The following JAM3 variants were observed in gnomAD, a reference collection of about 807,000 sequenced individuals.
JAM3 encodes the protein junctional adhesion molecule 3.
In JAM3, 31 loss-of-function variants were observed where a neutral mutation model predicts 39.4. The observed-to-expected ratio is 0.79, with a 90% confidence interval of 0.59 to 1.06. The LOEUF (loss-of-function observed/expected upper bound fraction) is 1.06. Among genes scored for constraint, JAM3 ranks in the 50% least tolerant of loss-of-function variants. The pLI is 0.00. For synonymous variants in JAM3, 182 were observed against 148.7 expected (o/e 1.22, Z -1.63); for missense variants, 455 against 391.4 (o/e 1.16, Z -1.37).
chr11:134,079,952 A>T (rs976889221), intron 1 of JAM3, among the ~76,000 whole-genome samples: 1 of 152,070 alleles, frequency 6.6e-6, no homozygotes, highest in African/African-American at 2.4e-5. Context: ...GGAAAAATTT[A>T]TTCAGAACCC....
At chr11:134,140,904 T>C in intron 3 of JAM3, 134 bp downstream of exon 3, 1 of 1,165,626 alleles carries the variant, frequency 8.6e-7, no homozygotes, top group East Asian at 2.8e-5. Flanking sequence ...TTTTTAAAGA[T>C]TTATAATTAT....
chr11:134,139,884 G>A lies in JAM3; in HGVS notation c.110G>A (p.Ser37Asn), dbSNP rs572713759. 4 of 1,614,014 alleles carry A rather than the reference G, an allele frequency of 2.5e-6. No individual in the cohort carries two copies. Among genetic ancestry groups the A allele is most frequent in the South Asian group, 2.2e-5 (2 of 91,086 alleles). ...CLIGAVNLKS[S>N]NRTPVVQEFE... ...ATAGGGGCTGTAAATCTCAAATCCA[G>A]CAATCGAACCCCAGTGGTACAGGAA... is the stretch of plus-strand genomic sequence containing the variant. The change falls in exon 2 of 9, where the codon AGC (serine) becomes AAC (asparagine). Residue 37 changes from serine (S) to asparagine (N), a missense_variant. Coordinates refer to ENST00000299106, the MANE Select transcript of JAM3 (RefSeq NM_032801.5).
At chr11:134,135,826 TG>T (rs1326668670) in intron 1 of JAM3, among the ~76,000 whole-genome samples, 4 of 152,090 alleles carry the variant, frequency 2.6e-5, no homozygotes, top group East Asian at 1.9e-4. Flanking sequence ...TCTAGCACTT[TG>T]GGGGGCCGAG....
chr11:134,122,576 G>A (rs996150606), intron 1 of JAM3, among the ~76,000 whole-genome samples: 5 of 152,166 alleles, frequency 3.3e-5, no homozygotes, highest in African/African-American at 4.8e-5. Flanking sequence ...TTTCTACCCT[G>A]TTATGGCCTG....
In JAM3 at chr11:134,149,900, G is replaced by T. The variant is rs1309938951; in HGVS notation, c.*719G>T. 3 of 182,168 alleles carry T rather than the reference G, an allele frequency of 1.6e-5. No homozygotes were observed. The highest frequency in any genetic ancestry group is 1.0e-4 in the South Asian group (1 of 9,598). 11.3% of individuals were successfully genotyped at this position (182,168 alleles called of 1,614,324 possible). On this transcript the variant is annotated 3_prime_UTR_variant, in exon 9 of 9. Coordinates refer to ENST00000299106, the MANE Select transcript of JAM3 (RefSeq NM_032801.5). The stretch of plus-strand genomic sequence containing the variant: ...TGGTACTGAAATATGCTTTTCTATG[G>T]GTCTTGTTTATTTTATAAAATTTTA...
chr11:134,111,385 G>T (rs946235569), intron 1 of JAM3, among the ~76,000 whole-genome samples: 9 of 151,576 alleles, frequency 5.9e-5, no homozygotes, highest in Non-Finnish European at 1.2e-4. Context: ...CTCGTGTTCC[G>T]CCCACCTCGG....
At position 134,140,565 on chromosome 11, in the gene JAM3, C is replaced by A. The variant is rs537628571; in HGVS notation, c.143-92C>A. On this transcript the variant is annotated intron_variant, in intron 2 of 8. Transcript: ENST00000299106. Reference sequence around the variant, plus strand: ...CTACGTTTTTAATCTGCATGAAAGGCCTCTTGAATTAGAGCTTGCAGGGTC... The same window carrying A: ...CTACGTTTTTAATCTGCATGAAAGGACTCTTGAATTAGAGCTTGCAGGGTC... 6.1e-5 allele frequency: 60 copies of A among 988,198 alleles called. No individual in the cohort carries two copies. In the South Asian group the frequency reaches 7.3e-4, roughly 12 times the overall value. The allele number at this position is 988,198 out of a possible 1,614,324, so 61.2% of individuals were successfully genotyped here.
chr11:134,096,292 A>G (rs1353942393), intron 1 of JAM3, among the ~76,000 whole-genome samples: 1 of 152,198 alleles, frequency 6.6e-6, no homozygotes, highest in African/African-American at 2.4e-5. Context: ...TTATGTAATG[A>G]ACTGACATCC....
chr11:134,148,697 A>G (rs1380727559), intron 7 of JAM3, 21 bp downstream of exon 7: 2 of 1,614,184 alleles, frequency 1.2e-6, no homozygotes, highest in Non-Finnish European at 8.5e-7. Context: ...CTTATGTGAA[A>G]AAAGGGAAGT....
At chr11:134,148,983 C>CAA (rs1288759184) in intron 8 of JAM3, among the ~76,000 whole-genome samples, 163 bp from the exon 9 acceptor site, 4 of 151,078 alleles carry the variant, frequency 2.6e-5, no homozygotes, top group Non-Finnish European at 4.4e-5. Flanking sequence ...CACACACACA[C>CAA]ACACACACAC....
chr11:134,117,343 C>T (rs747781882), intron 1 of JAM3, among the ~76,000 whole-genome samples: 11 of 152,060 alleles, frequency 7.2e-5, no homozygotes, highest in Non-Finnish European at 1.5e-4. Context: ...CACCATTGCA[C>T]TCCAGCCTGG....
At chr11:134,085,451 CAT>C (rs1287998160) in intron 1 of JAM3, among the ~76,000 whole-genome samples, 1 of 152,122 alleles carries the variant, frequency 6.6e-6, no homozygotes, top group Non-Finnish European at 1.5e-5. Context: ...AATTAATAAA[CAT>C]ATTGTTATTT....
Position 134,134,398 on chromosome 11 carries a change from C to CAAAA in JAM3, c.77-5432_77-5429dup, listed in dbSNP as rs34729848. Among the ~76,000 whole-genome samples the CAAAA allele has an allele frequency of 4.9e-3, 155 of 31,912 alleles. 4 individuals carry two copies. Among genetic ancestry groups the CAAAA allele is most frequent in the African/African-American group, 9.7e-3 (77 of 7,928 alleles). 20.9% of individuals were successfully genotyped at this position (31,912 alleles called of 152,430 possible). A position where few individuals can be genotyped will look rare whatever the true frequency, so the allele number is the denominator to read the frequency against. ...AGAAAACACCAAACAGGATAAATGC[C>CAAAA]AAAAAAAAAAAAAAAAAAAAAAAAC... On this transcript the variant is annotated intron_variant, in intron 1 of 8. Coordinates refer to ENST00000299106, the MANE Select transcript of JAM3 (RefSeq NM_032801.5).
chr11:134,094,356 G>C (rs1941935507), intron 1 of JAM3, among the ~76,000 whole-genome samples: 1 of 142,646 alleles, frequency 7.0e-6, no homozygotes, highest in Non-Finnish European at 1.5e-5. Context: ...CATCTTACAT[G>C]TCACTTCCTG....
intron 1 of JAM3, among the ~76,000 whole-genome samples, chr11:134,115,127 A>G (rs1288128669): frequency 6.6e-6 from 1 of 152,206 alleles, no homozygotes; most frequent in Non-Finnish European, 1.5e-5. Context: ...CTTTATCATT[A>G]TGAACTAACC....
At chr11:134,107,286 A>G (rs1240270283) in intron 1 of JAM3, among the ~76,000 whole-genome samples, 1 of 152,152 alleles carries the variant, frequency 6.6e-6, no homozygotes, top group Non-Finnish European at 1.5e-5. Flanking sequence ...GAACAATGAG[A>G]ACACTTGGAC....
intron 8 of JAM3, 84 bp from the exon 9 acceptor site, chr11:134,149,062 T>C: frequency 4.0e-6 from 6 of 1,483,912 alleles, no homozygotes; most frequent in Non-Finnish European, 3.8e-6. Flanking sequence ...CCATCTGTAT[T>C]TAGCCCATGT....
At position 134,107,096 on chromosome 11, in the gene JAM3, T is replaced by G. The variant is rs1178275506; in HGVS notation, c.77-32755T>G. Among the ~76,000 whole-genome samples the G allele has an allele frequency of 2.0e-5, 3 of 152,276 alleles. No homozygotes were observed. The East Asian group carries it at 5.8e-4, about 29-fold the overall frequency. On this transcript the variant is annotated intron_variant, in intron 1 of 8. Transcript: ENST00000299106. ...TGGAACCAACCCAAATGTCCATCAA[T>G]GATAGACTGGATTAAGAAAATGTGG...
chr11:134,091,579 A>G (rs1591775726), intron 1 of JAM3, among the ~76,000 whole-genome samples: 1 of 151,984 alleles, frequency 6.6e-6, no homozygotes, highest in Non-Finnish European at 1.5e-5. Context: ...ACAGTGAGCT[A>G]CGATTGTGTC....
Sources: allele counts gnomAD v4.1 joint callset (sites outside exome capture counted in the v4.1 genomes callset), GRCh38; gene constraint gnomAD v4.1.1; transcripts MANE v1.5; gene names NCBI Gene and HGNC (gene_info 2026-07-23, HGNC 2026-07-21).